RAF1: variants seen among roughly 807,000 people sequenced by gnomAD.
RAF1 encodes the protein RAF proto-oncogene serine/threonine-protein kinase.
In RAF1, 27 loss-of-function variants were observed where a neutral mutation model predicts 81.1. The observed-to-expected ratio is 0.33, with a 90% CI of 0.25 to 0.46. The LOEUF (loss-of-function observed/expected upper bound fraction) is 0.46. RAF1 is among the 20% of genes least tolerant of loss of function. The pLI is 1.00. For missense variants in RAF1, 598 were observed against 826.0 expected (o/e 0.72, Z 3.38); for synonymous variants, 298 against 294.0 (o/e 1.01, Z -0.14).
At chr3:12,644,892 G>A (rs2060297544) in intron 1 of RAF1, among the ~76,000 whole-genome samples, 1 of 151,960 alleles carries the variant, frequency 6.6e-6, no homozygotes, top group Non-Finnish European at 1.5e-5. Context: ...AAGGTCAAGA[G>A]AGCCAGACCA....
intron 14 of RAF1, 32 bp downstream of exon 13, chr3:12,587,559 G>A (rs201199835): frequency 1.3e-6 from 2 of 1,579,134 alleles, no homozygotes; most frequent in Non-Finnish European, 8.7e-7. Context: ...TTAGAACCGA[G>A]CAGTCAAATG....
At chr3:12,641,949 C>T (rs2060200280) in intron 1 of RAF1, among the ~76,000 whole-genome samples, 1 of 151,856 alleles carries the variant, frequency 6.6e-6, no homozygotes, top group South Asian at 2.1e-4. Context: ...AGTTCGAGAC[C>T]AGCTGGGCCA....
intron 11 of RAF1, chr3:12,592,152 A>T: frequency 5.6e-6 from 2 of 357,546 alleles, no homozygotes; most frequent in South Asian, 4.4e-5. Context: ...TAAACTATTC[A>T]CACCAACCCT....
At chr3:12,609,091 T>C in intron 4 of RAF1, 142 bp downstream of exon 4, 2 of 1,016,978 alleles carry the variant, frequency 2.0e-6, no homozygotes, top group South Asian at 2.7e-5. Flanking sequence ...GAAATCTAAA[T>C]TGCCTTACTG....
At chr3:12,663,247 A>T (rs1055678031) in intron 1 of RAF1, among the ~76,000 whole-genome samples, 1 of 152,196 alleles carries the variant, frequency 6.6e-6, no homozygotes, top group Non-Finnish European at 1.5e-5. Context: ...CCAATCCTCT[A>T]TAAGTATCCC....
At chr3:12,635,758 G>A (rs2060006488) in intron 1 of RAF1, among the ~76,000 whole-genome samples, 1 of 151,300 alleles carries the variant, frequency 6.6e-6, no homozygotes, top group South Asian at 2.1e-4. Context: ...CGGATCACAA[G>A]GTCAGGAGAT....
chr3:12,652,011 AAAATAAATAAATAAAT>A (rs58806427), intron 1 of RAF1, among the ~76,000 whole-genome samples: 115 of 136,712 alleles, frequency 8.4e-4, no homozygotes, highest in South Asian at 4.0e-3. Flanking sequence ...CTCCATCTCT[AAAATAAATAAATAAAT>A]AAATAAATAA....
At chr3:12,643,679 T>G (rs2060259502) in intron 1 of RAF1, among the ~76,000 whole-genome samples, 1 of 151,306 alleles carries the variant, frequency 6.6e-6, no homozygotes, top group South Asian at 2.1e-4. Flanking sequence ...GAGGTTGCAG[T>G]GAGCCAAAAT....
chr3:12,658,991 C>A (rs1356740056), intron 1 of RAF1, among the ~76,000 whole-genome samples: 1 of 152,100 alleles, frequency 6.6e-6, no homozygotes, highest in African/African-American at 2.4e-5. Flanking sequence ...TAACTAAAAT[C>A]ATTTAGAGCT....
intron 3 of RAF1, among the ~76,000 whole-genome samples, chr3:12,609,903 A>T (rs1396187951): frequency 6.6e-6 from 1 of 152,236 alleles, no homozygotes; most frequent in Non-Finnish European, 1.5e-5. Flanking sequence ...ATGGATTATA[A>T]ATATTGCTGC....
intron 11 of RAF1, among the ~76,000 whole-genome samples, chr3:12,596,510 T>C (rs184711549): frequency 6.6e-6 from 1 of 152,268 alleles, no homozygotes; most frequent in Admixed American, 6.5e-5. Context: ...CCAAATTTAA[T>C]GCCCAAAAGG....
intron 1 of RAF1, among the ~76,000 whole-genome samples, chr3:12,635,630 C>A (rs2059998838): frequency 9.3e-6 from 1 of 107,316 alleles, no homozygotes; most frequent in African/African-American, 3.3e-5. Flanking sequence ...GAGTGAAACT[C>A]CAGCTCCAAA....
intron 4 of RAF1, 53 bp downstream of exon 4, chr3:12,609,180 T>A (rs2125419275): frequency 7.4e-7 from 1 of 1,356,620 alleles, no homozygotes; most frequent in Non-Finnish European, 1.1e-6. Context: ...AAATCTCTGT[T>A]ATGCCTGGCA....
Position 12,620,907 on chromosome 3 carries a change from CAGTTCATTCAGAGTTCAGAGTT to C in RAF1, c.-26-2182_-26-2161del, listed in dbSNP as rs1417796967. Among the ~76,000 whole-genome samples the C allele has an allele frequency of 5.9e-3, 32 of 5,442 alleles. No individual in the cohort carries two copies. The African/African-American group carries it at 0.088, about 15-fold the overall frequency. The allele number at this position is 5,442 out of a possible 152,430, so 3.6% of individuals were successfully genotyped here. ...ACCATAACATTCAGAGTTCAGAGTTCAGTTCATTCAGAGTTCAGAGTTCAGTTCATTCAGAGTTCAGAGTTCA... is the reference window on the plus strand; with the variant it reads ...ACCATAACATTCAGAGTTCAGAGTTCCAGTTCATTCAGAGTTCAGAGTTCA... On this transcript the variant is annotated intron_variant, in intron 1 of 17. Coordinates refer to ENST00000442415, the MANE Select transcript of RAF1 (RefSeq NM_001354689.3).
At chr3:12,661,469 G>A (rs1337292932) in intron 1 of RAF1, among the ~76,000 whole-genome samples, 1 of 151,718 alleles carries the variant, frequency 6.6e-6, no homozygotes, top group Non-Finnish European at 1.5e-5. Flanking sequence ...GGCCGTGGGA[G>A]GCCGAGGTGG....
chr3:12,640,197 C>G (rs1158253018), intron 1 of RAF1, among the ~76,000 whole-genome samples: 1 of 152,128 alleles, frequency 6.6e-6, no homozygotes, highest in Non-Finnish European at 1.5e-5. Flanking sequence ...CCCTTCCTTA[C>G]ATCTTATACA....
chr3:12,604,883 T>G (rs1266636223), intron 6 of RAF1, among the ~76,000 whole-genome samples: 3 of 152,202 alleles, frequency 2.0e-5, no homozygotes, highest in Admixed American at 6.5e-5. Context: ...ACTGGGAACA[T>G]GCATTAAGAG....
intron 8 of RAF1, chr3:12,603,393 A>G (rs2058924110): frequency 1.7e-6 from 1 of 575,802 alleles, no homozygotes; most frequent in Admixed American, 2.9e-5. Flanking sequence ...CTTAGCAACT[A>G]TTTCATTTTT....
chr3:12,604,055 T>G, intron 7 of RAF1, 81 bp downstream of exon 7: 1 of 1,540,702 alleles, frequency 6.5e-7, no homozygotes, highest in Non-Finnish European at 9.0e-7. Flanking sequence ...TTGATCAGAT[T>G]TGAAACCCAA....
Sources: allele counts gnomAD v4.1 joint callset (sites outside exome capture counted in the v4.1 genomes callset), GRCh38; gene constraint gnomAD v4.1.1; transcripts MANE v1.5; gene names NCBI Gene and HGNC (gene_info 2026-07-23, HGNC 2026-07-21).